Variants in OSBPL10 observed in about 807,000 individuals in gnomAD.
The protein encoded by OSBPL10 is oxysterol-binding protein-related protein 10.
A neutral mutation model predicts 81.7 loss-of-function variants in OSBPL10; 49 were observed. That is an observed-to-expected ratio of 0.60 (90% CI 0.48 to 0.76). OSBPL10 has a LOEUF of 0.76. OSBPL10 is among the 30% of genes least tolerant of loss of function. OSBPL10 has a pLI of 0.00. For missense variants in OSBPL10, 923 were observed against 987.8 expected (o/e 0.93, Z 0.88); for synonymous variants, 419 against 383.6 (o/e 1.09, Z -1.08).
At chr3:32,044,591 A>G (rs1193465325) in intron 2 of OSBPL10, among the ~76,000 whole-genome samples, 1 of 151,290 alleles carries the variant, frequency 6.6e-6, no homozygotes, top group East Asian at 1.9e-4. Flanking sequence ...AAAATACAAA[A>G]TTAGTCAGGC....
At chr3:31,792,000 C>T (rs1021381905) in intron 4 of OSBPL10, among the ~76,000 whole-genome samples, 5 of 152,138 alleles carry the variant, frequency 3.3e-5, no homozygotes, top group East Asian at 1.9e-4. Flanking sequence ...AGTCCCAACA[C>T]TTTGGGAGGC....
At chr3:31,853,220 G>C (rs1431555965) in intron 3 of OSBPL10, among the ~76,000 whole-genome samples, 1 of 152,098 alleles carries the variant, frequency 6.6e-6, no homozygotes, top group Admixed American at 6.5e-5. Flanking sequence ...TTCCTGACCT[G>C]GCCTAAAGAG....
At chr3:31,756,966 C>T (rs1190528278) in intron 4 of OSBPL10, among the ~76,000 whole-genome samples, 1 of 152,170 alleles carries the variant, frequency 6.6e-6, no homozygotes, top group Admixed American at 6.5e-5. Flanking sequence ...CTGTAGTCCA[C>T]AGAGAAGGCT....
In OSBPL10 at chr3:31,747,871, T is replaced by C. The variant is rs202167234; in HGVS notation, c.940+39A>G. 121 of 1,580,742 alleles carry C rather than the reference T, an allele frequency of 7.7e-5. 1 individual carries two copies. In the African/African-American group the frequency reaches 1.5e-3, roughly 20 times the overall value. ...CAGTGGGACACAGACACAGTGTGTG[T>C]ACTCATCCCAAACATGGACAAGCCC... On this transcript the variant is annotated intron_variant, in intron 5 of 11. Coordinates refer to ENST00000396556, the MANE Select transcript of OSBPL10 (RefSeq NM_017784.5).
chr3:31,817,974 C>T (rs1369291301), intron 4 of OSBPL10, among the ~76,000 whole-genome samples: 1 of 152,138 alleles, frequency 6.6e-6, no homozygotes, highest in African/African-American at 2.4e-5. Flanking sequence ...GCATGGTGAT[C>T]ACATGCCTGT....
intron 4 of OSBPL10, among the ~76,000 whole-genome samples, chr3:31,826,148 A>G (rs906417151): frequency 6.6e-6 from 1 of 152,136 alleles, no homozygotes; most frequent in African/African-American, 2.4e-5. Flanking sequence ...CCAGCAGGAA[A>G]TTTATGGGTC....
chr3:31,792,310 A>C (rs1021350036), intron 4 of OSBPL10, among the ~76,000 whole-genome samples: 2 of 152,200 alleles, frequency 1.3e-5, no homozygotes, highest in Non-Finnish European at 2.9e-5. Flanking sequence ...GCAATCAGAC[A>C]TTACGTGTAA....
chr3:31,986,646 C>T (rs550997039), intron 2 of OSBPL10, among the ~76,000 whole-genome samples: 70 of 152,102 alleles, frequency 4.6e-4, no homozygotes, highest in African/African-American at 1.6e-3. Context: ...ATAAAATAGG[C>T]GCCTGGCCTA....
At chr3:31,697,333 G>A (rs1023624964) in intron 7 of OSBPL10, among the ~76,000 whole-genome samples, 7 of 152,114 alleles carry the variant, frequency 4.6e-5, no homozygotes, top group Non-Finnish European at 2.9e-5. Flanking sequence ...GGCAAGACCA[G>A]CAGAAGAGCT....
intron 1 of OSBPL10, among the ~76,000 whole-genome samples, chr3:31,938,506 G>T (rs1213769508): frequency 2.0e-5 from 3 of 151,994 alleles, no homozygotes; most frequent in African/African-American, 4.8e-5. Flanking sequence ...TTTTTGTGGG[G>T]TTTTTTGTTT....
At chr3:31,979,228 G>T (rs1474258965) in intron 1 of OSBPL10, among the ~76,000 whole-genome samples, 1 of 152,058 alleles carries the variant, frequency 6.6e-6, no homozygotes, top group Non-Finnish European at 1.5e-5. Flanking sequence ...ATTGAAAGGG[G>T]AAGGGAGAGG....
intron 3 of OSBPL10, among the ~76,000 whole-genome samples, chr3:31,859,203 T>C (rs1445606921): frequency 1.3e-5 from 2 of 152,124 alleles, no homozygotes; most frequent in African/African-American, 4.8e-5. Flanking sequence ...TTCCCTACAT[T>C]GTCTATCACA....
At chr3:31,994,950 G>A (rs923268899) in intron 2 of OSBPL10, among the ~76,000 whole-genome samples, 1 of 152,152 alleles carries the variant, frequency 6.6e-6, no homozygotes, top group African/African-American at 2.4e-5. Context: ...CATATTGGTA[G>A]GACCATGATG....
chr3:31,986,633 C>G (rs1698937711), intron 2 of OSBPL10, among the ~76,000 whole-genome samples: 1 of 152,014 alleles, frequency 6.6e-6, no homozygotes, highest in Non-Finnish European at 1.5e-5. Context: ...TACAAATATA[C>G]AAATAAAATA....
At chr3:31,670,410 C>T (rs1700294170) in intron 9 of OSBPL10, among the ~76,000 whole-genome samples, 1 of 152,186 alleles carries the variant, frequency 6.6e-6, no homozygotes, top group Admixed American at 6.5e-5. Flanking sequence ...GGATGCATGA[C>T]ACAGAATTGA....
chr3:31,745,830 T>C (rs1697502630), intron 5 of OSBPL10, among the ~76,000 whole-genome samples: 2 of 152,192 alleles, frequency 1.3e-5, no homozygotes, highest in Admixed American at 1.3e-4. Context: ...AAAACCAAAT[T>C]ACCCACACAC....
rs113742382 is a variant in OSBPL10 at position 31,745,205 on chromosome 3, A to G, written c.940+2705T>C. 7.2e-3 allele frequency among the ~76,000 whole-genome samples: 1,094 copies of G among 152,328 alleles called. 12 individuals carry two copies. Among genetic ancestry groups the G allele is most frequent in the Middle Eastern group, 0.024 (7 of 294 alleles). ...ACCCAAATTGTTTTATTTTGCTACA[A>G]TGGGATAACCAGCAAAGAGGACTAT... is the stretch of plus-strand genomic sequence containing the variant. On this transcript the variant is annotated intron_variant, in intron 5 of 11. Transcript: ENST00000396556.
chr3:31,929,031 G>A (rs1356503949), intron 1 of OSBPL10, among the ~76,000 whole-genome samples: 7 of 152,062 alleles, frequency 4.6e-5, no homozygotes, highest in African/African-American at 1.7e-4. Flanking sequence ...CTTCACACCA[G>A]CTAGAATTAA....
chr3:31,738,982 G>A (rs1697266926), intron 5 of OSBPL10, among the ~76,000 whole-genome samples: 1 of 152,124 alleles, frequency 6.6e-6, no homozygotes, highest in Non-Finnish European at 1.5e-5. Flanking sequence ...TGGGACTACA[G>A]TCAGGCAAGT....
Sources: allele counts gnomAD v4.1 joint callset (sites outside exome capture counted in the v4.1 genomes callset), GRCh38; gene constraint gnomAD v4.1.1; transcripts MANE v1.5; gene names NCBI Gene and HGNC (gene_info 2026-07-23, HGNC 2026-07-21).